Variants in LITAF observed in about 807,000 individuals in gnomAD.
The protein encoded by LITAF is lipopolysaccharide induced TNF factor, also known as lipopolysaccharide-induced tumor necrosis factor-alpha factor.
In LITAF, 9 loss-of-function variants were observed where a neutral mutation model predicts 14.5. The observed-to-expected ratio is 0.62, with a 90% CI of 0.37 to 1.08. LITAF has a LOEUF of 1.08. Ranked by LOEUF, LITAF falls within the 50% of genes least tolerant of loss-of-function variation. LITAF has a pLI of 0.01. For synonymous variants in LITAF, 98 were observed against 88.2 expected (o/e 1.11, Z -0.62); for missense variants, 206 against 213.4 (o/e 0.97, Z 0.22).
chr16:11,627,806 T>G (rs962759043), intron 3 of LITAF, among the ~76,000 whole-genome samples: 1 of 152,138 alleles, frequency 6.6e-6, no homozygotes, highest in African/African-American at 2.4e-5. Context: ...ATTGTGCCAC[T>G]GTGCTCCAGC....
intron 1 of LITAF, among the ~76,000 whole-genome samples, chr16:11,580,577 G>C (rs1049312243): frequency 6.6e-6 from 1 of 152,016 alleles, no homozygotes; most frequent in African/African-American, 2.4e-5. Flanking sequence ...ACTTAGGAGA[G>C]GAGACTGAAG....
chr16:11,570,339 G>A (rs893799708), intron 1 of LITAF, among the ~76,000 whole-genome samples: 2 of 152,156 alleles, frequency 1.3e-5, no homozygotes, highest in Non-Finnish European at 2.9e-5. Flanking sequence ...CAGGGAGGGG[G>A]TGACTTTCCC....
intron 3 of LITAF, among the ~76,000 whole-genome samples, chr16:11,629,863 C>A (rs1286390877): frequency 6.6e-6 from 1 of 152,132 alleles, no homozygotes; most frequent in African/African-American, 2.4e-5. Context: ...AGGCGCTCTT[C>A]CCCCCACAGC....
At chr16:11,582,799 A>T (rs1366321247) in intron 1 of LITAF, among the ~76,000 whole-genome samples, 1 of 152,198 alleles carries the variant, frequency 6.6e-6, no homozygotes, top group Non-Finnish European at 1.5e-5. Context: ...CAATAATGGG[A>T]GCACAGTGGA....
At chr16:11,565,813 A>T (rs371223257) in intron 1 of LITAF, among the ~76,000 whole-genome samples, 12 of 77,976 alleles carry the variant, frequency 1.5e-4, no homozygotes, top group Middle Eastern at 0.012. Flanking sequence ...GGTCTGGCAA[A>T]TTCCGCTTAG....
intron 3 of LITAF, among the ~76,000 whole-genome samples, chr16:11,626,484 C>T (rs190835468): frequency 6.6e-6 from 1 of 152,342 alleles, no homozygotes; most frequent in Non-Finnish European, 1.5e-5. Flanking sequence ...GCTGGGACTA[C>T]AGGCAGGCAT....
chr16:11,560,775 C>A (rs1304638986), intron 1 of LITAF, among the ~76,000 whole-genome samples: 1 of 152,060 alleles, frequency 6.6e-6, no homozygotes, highest in Non-Finnish European at 1.5e-5. Context: ...GTAGAGAAGG[C>A]CACAGAAGCA....
intron 1 of LITAF, among the ~76,000 whole-genome samples, chr16:11,597,897 T>C (rs8049607): frequency 0.5 from 76,683 of 151,938 alleles, 19,586 homozygotes; most frequent in East Asian, 0.57. Flanking sequence ...AAACCCAGCA[T>C]GCTTTTTTGC....
chr16:11,624,701 A>G (rs767477796), intron 3 of LITAF, among the ~76,000 whole-genome samples: 4 of 152,252 alleles, frequency 2.6e-5, no homozygotes, highest in Admixed American at 1.3e-4. Flanking sequence ...GCAGTTAAAC[A>G]TCTTCAGGAA....
Position 11,634,137 on chromosome 16 carries a change from T to A in LITAF, c.-20-500A>T, listed in dbSNP as rs893781820. On this transcript the variant is annotated intron_variant, in intron 2 of 3. Coordinates refer to the LITAF transcript ENST00000574848. This position sits in a 1 kb window ranked among gnomAD's most constrained non-coding sequence, Gnocchi z 4.1. ...GTGCAGAGACTCATATGGGCACTTATACACACATGCACACAGGTGAGACCA... is the reference window on the plus strand; with the variant it reads ...GTGCAGAGACTCATATGGGCACTTAAACACACATGCACACAGGTGAGACCA... Among the ~76,000 whole-genome samples, 1 of 152,188 alleles carries A rather than the reference T, an allele frequency of 6.6e-6. No individual in the cohort carries two copies. Among genetic ancestry groups the A allele is most frequent in the African/African-American group, 2.4e-5 (1 of 41,442 alleles).
At chr16:11,597,241 G>A (rs1290674830) in intron 1 of LITAF, among the ~76,000 whole-genome samples, 1 of 152,128 alleles carries the variant, frequency 6.6e-6, no homozygotes, top group African/African-American at 2.4e-5. Flanking sequence ...TGACTTTGGG[G>A]TCATCTACTG....
intron 1 of LITAF, among the ~76,000 whole-genome samples, chr16:11,595,334 C>A (rs1271492363): frequency 6.6e-6 from 1 of 152,170 alleles, no homozygotes; most frequent in Non-Finnish European, 1.5e-5. Context: ...CTGACCCTGG[C>A]CAAACGCTTT....
chr16:11,599,221 C>T (rs981136377), upstream of LITAF, among the ~76,000 whole-genome samples: 7 of 152,056 alleles, frequency 4.6e-5, no homozygotes, highest in African/African-American at 1.2e-4. Flanking sequence ...TGGGTTCCAG[C>T]GATTCTCCTG....
intron 1 of LITAF, among the ~76,000 whole-genome samples, chr16:11,567,750 C>T (rs1412032748): frequency 3.3e-5 from 5 of 152,012 alleles, no homozygotes; most frequent in East Asian, 3.9e-4. Flanking sequence ...TTTGGGAGGC[C>T]GAGGTGGGCG....
At chr16:11,630,281 A>G (rs989735247) in intron 3 of LITAF, among the ~76,000 whole-genome samples, 30 of 152,194 alleles carry the variant, frequency 2.0e-4, no homozygotes, top group Non-Finnish European at 3.5e-4. Flanking sequence ...TGGGGCACAA[A>G]GCTGGGTCCT....
intron 1 of LITAF, among the ~76,000 whole-genome samples, chr16:11,568,681 T>TGG (rs2141775727): frequency 8.1e-6 from 1 of 123,614 alleles, no homozygotes; most frequent in African/African-American, 3.5e-5. Context: ...TTGTTTTTTT[T>TGG]TGTTTTTTTT....
chr16:11,618,122 C>G (rs565517042), intron 3 of LITAF, among the ~76,000 whole-genome samples: 2 of 152,320 alleles, frequency 1.3e-5, no homozygotes, highest in East Asian at 1.9e-4. Flanking sequence ...GTGATCCTCC[C>G]CAGTCAGCTA....
intron 3 of LITAF, among the ~76,000 whole-genome samples, chr16:11,606,911 T>C (rs762403507): frequency 3.3e-5 from 5 of 152,180 alleles, no homozygotes; most frequent in Non-Finnish European, 7.3e-5. Flanking sequence ...AGTGCTGGGA[T>C]TACAAGCGTG....
intron 1 of LITAF, chr16:11,584,066 A>AT (rs1415807253): frequency 6.6e-6 from 1 of 152,234 alleles, no homozygotes; most frequent in African/African-American, 2.4e-5. Flanking sequence ...TTGACCTCAA[A>AT]TAACAATTCT....
Sources: allele counts gnomAD v4.1 joint callset (sites outside exome capture counted in the v4.1 genomes callset), GRCh38; gene constraint gnomAD v4.1.1; non-coding constraint Gnocchi (gnomAD v3.1); transcripts MANE v1.5; gene names NCBI Gene and HGNC (gene_info 2026-07-23, HGNC 2026-07-21).